The following COL5A2 variants were observed in gnomAD, a reference collection of about 807,000 sequenced individuals.
COL5A2 encodes collagen alpha-2(V) chain.
In COL5A2, 23 loss-of-function variants were observed where a neutral mutation model predicts 208.2. That is an observed-to-expected ratio of 0.11 (90% CI 0.08 to 0.16). The LOEUF (loss-of-function observed/expected upper bound fraction) is 0.16. COL5A2 is among the 10% of genes least tolerant of loss of function. COL5A2 has a pLI of 1.00. For synonymous variants in COL5A2, 625 were observed against 628.5 expected (o/e 0.99, Z 0.08); for missense variants, 1,590 against 1,956.4 (o/e 0.81, Z 3.53).
intron 3 of COL5A2, among the ~76,000 whole-genome samples, chr2:189,101,630 A>G (rs879753518): frequency 6.6e-6 from 1 of 152,152 alleles, no homozygotes; most frequent in Non-Finnish European, 1.5e-5. Context: ...TACTAAAGAT[A>G]CAATCTACTT....
chr2:189,035,548 A>T (rs1426825174), intron 52 of COL5A2, among the ~76,000 whole-genome samples: 1 of 151,990 alleles, frequency 6.6e-6, no homozygotes, highest in African/African-American at 2.4e-5. Context: ...TAGGAAATAC[A>T]TATTAAAAGT....
chr2:189,191,598 A>AGGGAGCCGAGATTGCC (rs1688931410), intron 1 of COL5A2, among the ~76,000 whole-genome samples: 2 of 152,074 alleles, frequency 1.3e-5, no homozygotes, highest in Non-Finnish European at 2.9e-5. Context: ...CCGAGATTGC[A>AGGGAGCCGAGATTGCC]GTGAGCCAAG....
At chr2:189,205,719 C>T (rs1186306770) in intron 1 of COL5A2, among the ~76,000 whole-genome samples, 2 of 152,116 alleles carry the variant, frequency 1.3e-5, no homozygotes, top group Non-Finnish European at 2.9e-5. Context: ...TGGTTATCTA[C>T]ATTCATATTT....
chr2:189,037,067 A>C (rs1685458676), intron 51 of COL5A2, among the ~76,000 whole-genome samples: 1 of 152,208 alleles, frequency 6.6e-6, no homozygotes, highest in South Asian at 2.1e-4. Context: ...CCCATTTTAT[A>C]GATGAGAAAA....
chr2:189,315,882 C>T, the COL5A2 span, among the ~76,000 whole-genome samples: 69 of 152,116 alleles, frequency 4.5e-4, no homozygotes, highest in African/African-American at 1.2e-3. Context: ...GATCACTAAA[C>T]GAATGCACTG....
chr2:189,424,129 C>G, the COL5A2 span, among the ~76,000 whole-genome samples: 1 of 152,018 alleles, frequency 6.6e-6, no homozygotes, highest in African/African-American at 2.4e-5. Flanking sequence ...AGAAAAAGCA[C>G]TTGACAAAAT....
At chr2:189,156,039 TAGA>T (rs1688240173) in intron 1 of COL5A2, among the ~76,000 whole-genome samples, 1 of 152,200 alleles carries the variant, frequency 6.6e-6, no homozygotes, top group Non-Finnish European at 1.5e-5. Flanking sequence ...TTTCTTTTTT[TAGA>T]AGGATGCTGG....
intron 32 of COL5A2, 71 bp downstream of exon 32, chr2:189,058,778 A>AT: frequency 7.2e-7 from 1 of 1,379,926 alleles, no homozygotes; most frequent in South Asian, 1.2e-5. Flanking sequence ...CCAGTTTAAG[A>AT]TTTTAAAAGA....
the COL5A2 span, among the ~76,000 whole-genome samples, chr2:189,414,071 C>T: frequency 3.1e-4 from 47 of 152,150 alleles, no homozygotes; most frequent in African/African-American, 1.1e-3. Flanking sequence ...GGACTACGGG[C>T]GTGAGCCACT....
chr2:189,380,391 A>G, the COL5A2 span, among the ~76,000 whole-genome samples: 1 of 151,968 alleles, frequency 6.6e-6, no homozygotes, highest in South Asian at 2.1e-4. Context: ...ATAATAGAAA[A>G]AGTTATAAAA....
intron 1 of COL5A2, among the ~76,000 whole-genome samples, chr2:189,191,589 C>T (rs561618036): frequency 3.3e-4 from 50 of 151,920 alleles, no homozygotes; most frequent in South Asian, 1.3e-3. Context: ...TGCAGGGAGC[C>T]GAGATTGCAG....
chr2:189,217,208 A>G (rs923531779), intron 1 of COL5A2, among the ~76,000 whole-genome samples: 1 of 152,210 alleles, frequency 6.6e-6, no homozygotes, highest in Non-Finnish European at 1.5e-5. Flanking sequence ...TTATCATAGA[A>G]AGATGCCAGG....
chr2:189,145,988 G>A (rs1186954639), intron 1 of COL5A2, among the ~76,000 whole-genome samples: 4 of 151,990 alleles, frequency 2.6e-5, no homozygotes, highest in African/African-American at 4.8e-5. Context: ...TACATTGAAG[G>A]CAAGGACCAA....
the COL5A2 span, among the ~76,000 whole-genome samples, chr2:189,323,562 C>T: frequency 3.8e-3 from 585 of 152,170 alleles, 5 homozygotes; most frequent in African/African-American, 0.013. Flanking sequence ...GAGTGAACTC[C>T]CATTCACATT....
At chr2:189,396,368 T>C in the COL5A2 span, among the ~76,000 whole-genome samples, 12 of 152,060 alleles carry the variant, frequency 7.9e-5, no homozygotes, top group South Asian at 2.1e-4. Flanking sequence ...ACCACCCTCA[T>C]AGAAGTATAG....
the COL5A2 span, among the ~76,000 whole-genome samples, chr2:189,375,600 AAG>A: frequency 6.6e-6 from 1 of 152,188 alleles, no homozygotes; most frequent in African/African-American, 2.4e-5. Context: ...AGGATAATAG[AAG>A]AGTTTTCCAG....
At chr2:189,267,922 T>C in the COL5A2 span, among the ~76,000 whole-genome samples, 45 of 152,342 alleles carry the variant, frequency 3.0e-4, no homozygotes, top group Non-Finnish European at 5.0e-4. Context: ...TATCAATCCA[T>C]TTATCCTTTC....
intron 24 of COL5A2, 65 bp downstream of exon 24, chr2:189,064,939 G>A: frequency 6.8e-7 from 1 of 1,479,182 alleles, no homozygotes; most frequent in Non-Finnish European, 9.4e-7. Flanking sequence ...AGATCACCGT[G>A]CTGAAAAATG....
the COL5A2 span, among the ~76,000 whole-genome samples, chr2:189,381,132 T>C: frequency 1.3e-5 from 2 of 152,030 alleles, no homozygotes; most frequent in South Asian, 4.1e-4. Flanking sequence ...AAGAAATGGG[T>C]GGATGAAGGA....
Sources: gnomAD v4.1 joint callset for allele counts (sites outside exome capture counted in the v4.1 genomes callset) on GRCh38, gnomAD v4.1.1 for gene constraint, MANE v1.5 for transcripts, NCBI Gene and HGNC (gene_info 2026-07-23, HGNC 2026-07-21) for gene names.